The following MRTFA variants were observed in gnomAD, a reference collection of about 807,000 sequenced individuals.
MRTFA encodes myocardin-related transcription factor A.
MRTFA carries 20 observed loss-of-function variants against 83.5 expected under a neutral mutation model. That is an observed-to-expected ratio of 0.24 (90% CI 0.17 to 0.35). The LOEUF (loss-of-function observed/expected upper bound fraction) is 0.35, where lower values mean the gene tolerates loss of function less well. Ranked by LOEUF, MRTFA falls within the 10% of genes least tolerant of loss-of-function variation. The probability of loss-of-function intolerance (pLI) is 1.00; values close to 1 mark genes in which losing one functional copy is unlikely to be tolerated. For synonymous variants in MRTFA, 659 were observed against 541.2 expected (o/e 1.22, Z -3.02); for missense variants, 1,200 against 1,224.7 (o/e 0.98, Z 0.30).
Position 40,411,472 on chromosome 22 carries a change from A to AG in MRTFA, c.3013dup (p.Leu1005ProfsTer18), listed in dbSNP as rs752111993. The stretch of plus-strand genomic sequence containing the variant: ...GAAGAGGCTGGGGGCTGTGGTGCTG[A>AG]GGGGGGCTAGGCTCAGCACGGGACC... On this transcript the variant is annotated frameshift_variant, in exon 15 of 15. Coordinates refer to ENST00000355630, the MANE Select transcript of MRTFA (RefSeq NM_020831.6). LOFTEE classifies it high-confidence loss of function. 6.2e-7 allele frequency: 1 copy of AG among 1,605,268 alleles called. No individual in the cohort carries two copies. The highest frequency in any genetic ancestry group is 8.5e-7 in the Non-Finnish European group (1 of 1,173,046).
chr22:40,474,161 G>C (rs1249452752), intron 3 of MRTFA, among the ~76,000 whole-genome samples: 2 of 152,138 alleles, frequency 1.3e-5, no homozygotes, highest in African/African-American at 4.8e-5. Flanking sequence ...ATTGTGTTAG[G>C]TCCTGTGCTA....
intron 6 of MRTFA, among the ~76,000 whole-genome samples, chr22:40,430,718 G>T (rs1449987552): frequency 1.3e-5 from 2 of 151,974 alleles, no homozygotes; most frequent in Non-Finnish European, 2.9e-5. Context: ...ATATTAGCTG[G>T]GTGTGGTGGC....
intron 5 of MRTFA, among the ~76,000 whole-genome samples, chr22:40,434,444 G>A (rs907885197): frequency 6.6e-6 from 1 of 152,124 alleles, no homozygotes; most frequent in Non-Finnish European, 1.5e-5. Flanking sequence ...CTGTGAGGCT[G>A]GGTGTGGTGG....
At chr22:40,477,023 C>CA in intron 3 of MRTFA, among the ~76,000 whole-genome samples, 1 of 151,816 alleles carries the variant, frequency 6.6e-6, no homozygotes, top group Admixed American at 6.6e-5. Flanking sequence ...CAAATAAATG[C>CA]AATACACCTA....
chr22:40,430,860 CAAAAA>C (rs1171650702), intron 6 of MRTFA, among the ~76,000 whole-genome samples: 1 of 35,120 alleles, frequency 2.8e-5, no homozygotes, highest in African/African-American at 1.2e-4. Flanking sequence ...GACTCCATCA[CAAAAA>C]AAAAAAAAAA....
chr22:40,607,744 T>C (rs750090043), intron 1 of MRTFA, among the ~76,000 whole-genome samples: 4 of 152,226 alleles, frequency 2.6e-5, no homozygotes, highest in Non-Finnish European at 2.9e-5. Context: ...TAAGCAATCA[T>C]ACATAGCCTG....
chr22:40,519,581 C>A, intron 3 of MRTFA: 1 of 1,343,244 alleles, frequency 7.4e-7, no homozygotes, highest in South Asian at 1.2e-5. Flanking sequence ...GGCAATCACG[C>A]TGATTTGTTA....
chr22:40,524,066 A>G (rs995317647), intron 3 of MRTFA, among the ~76,000 whole-genome samples: 9 of 152,204 alleles, frequency 5.9e-5, no homozygotes, highest in Non-Finnish European at 1.0e-4. Context: ...AGCAAAATAT[A>G]TTGCAGAAAT....
intron 3 of MRTFA, among the ~76,000 whole-genome samples, chr22:40,496,130 G>A (rs1391340294): frequency 6.6e-6 from 1 of 151,894 alleles, no homozygotes; most frequent in African/African-American, 2.4e-5. Context: ...AGATTGCTTG[G>A]GTTCAAATTT....
At chr22:40,622,232 A>G (rs111250091) in intron 1 of MRTFA, among the ~76,000 whole-genome samples, 1,891 of 152,294 alleles carry the variant, frequency 0.012, 27 homozygotes, top group Non-Finnish European at 0.018. Context: ...CTGTAATCCC[A>G]GCACTTTGGG....
rs1375084716 is a variant in MRTFA, at chr22:40,419,274, T to C, written c.1464A>G (p.Pro488=). 1 of 1,613,592 alleles carries C rather than the reference T, an allele frequency of 6.2e-7. No individual in the cohort carries two copies. Among genetic ancestry groups the C allele is most frequent in the Non-Finnish European group, 8.5e-7 (1 of 1,179,858 alleles). ...TGGCGGCAGGGGCCTTGGGGGCTCC[T>C]GGCACAGGGCTGATTTGGTCTTGAT... The change falls in exon 12 of 15, where the codon CCA becomes CCG. Residue 488 remains proline, a synonymous_variant. Coordinates refer to ENST00000355630, the MANE Select transcript of MRTFA (RefSeq NM_020831.6).
chr22:40,445,750 G>C lies in MRTFA; in HGVS notation c.308-10196C>G, dbSNP rs531703831. Among the ~76,000 whole-genome samples, 35 of 152,192 alleles carry C rather than the reference G, an allele frequency of 2.3e-4. No individual in the cohort carries two copies. The South Asian group carries it at 7.0e-3, about 31-fold the overall frequency. On this transcript the variant is annotated intron_variant, in intron 4 of 14. Transcript: ENST00000355630. ...TTTTTAGTAAAGACGGGGTTTCACCGTGTTGGTCAGGCTGGTCTTGAACTC... is the reference window on the plus strand; with the variant it reads ...TTTTTAGTAAAGACGGGGTTTCACCCTGTTGGTCAGGCTGGTCTTGAACTC...
chr22:40,424,466 A>C lies in MRTFA; in HGVS notation c.602-85T>G, dbSNP rs1250733284. 63 of 1,433,200 alleles carry C rather than the reference A, an allele frequency of 4.4e-5. No homozygotes were observed. In the East Asian group the frequency reaches 7.2e-4, roughly 16 times the overall value. 88.8% of individuals were successfully genotyped at this position (1,433,200 alleles called of 1,614,324 possible). ...CAGGCCTGGCTCGCAGGCCACAGGCAGAGTGCCTGGCCCACAGCCCACATG... is the reference window on the plus strand; with the variant it reads ...CAGGCCTGGCTCGCAGGCCACAGGCCGAGTGCCTGGCCCACAGCCCACATG... On this transcript the variant is annotated intron_variant, in intron 7 of 14. Transcript: ENST00000355630.
intron 4 of MRTFA, among the ~76,000 whole-genome samples, chr22:40,449,398 C>A (rs953949663): frequency 1.3e-5 from 2 of 152,024 alleles, no homozygotes; most frequent in African/African-American, 4.8e-5. Flanking sequence ...TTCTGTGCCA[C>A]ACTAAAAATG....
chr22:40,529,463 C>CCCA (rs1488060279), intron 3 of MRTFA, among the ~76,000 whole-genome samples: 1 of 152,038 alleles, frequency 6.6e-6, no homozygotes, highest in Non-Finnish European at 1.5e-5. Flanking sequence ...ATTACAGGCA[C>CCCA]CCACCACCAT....
intron 2 of MRTFA, among the ~76,000 whole-genome samples, chr22:40,574,727 CCT>C (rs1425410766): frequency 1.3e-5 from 2 of 152,052 alleles, no homozygotes; most frequent in East Asian, 3.8e-4. Context: ...AGCCACCATG[CCT>C]GGCTTGTATT....
rs368208433 is a variant in MRTFA, at chr22:40,455,170, C to T, written c.307+8051G>A. ...ATTTAATTAGAATAGCCACATGTGC[C>T]TATTTAAATCTAAATTAATTAAAAT... On this transcript the variant is annotated intron_variant, in intron 4 of 14. Coordinates refer to ENST00000355630, the MANE Select transcript of MRTFA (RefSeq NM_020831.6). Among the ~76,000 whole-genome samples the T allele has an allele frequency of 1.4e-4, 22 of 152,170 alleles. No homozygotes were observed. The East Asian group carries it at 3.1e-3, about 21-fold the overall frequency.
rs141926991 is a variant in MRTFA, at chr22:40,416,990, G to A, written c.2574C>T (p.Ser858=). 9.5e-5 allele frequency: 152 copies of A among 1,597,474 alleles called. No homozygotes were observed. Among genetic ancestry groups the A allele is most frequent in the Middle Eastern group, 6.7e-4 (4 of 6,002 alleles). Residue 858 remains serine (S), a synonymous_variant, in exon 14 of 15, where the codon AGC becomes AGT. Transcript: ENST00000355630. The surrounding 1 kb of genome is among the most constrained non-coding windows in gnomAD (Gnocchi z 4.2). ...CAGCAGGGGACCTGGGGTTACCTCCGCTCTGAATGAGAATGTCAAACAGGT... is the reference window on the plus strand; with the variant it reads ...CAGCAGGGGACCTGGGGTTACCTCCACTCTGAATGAGAATGTCAAACAGGT...
chr22:40,495,141 A>C (rs2054330097), intron 3 of MRTFA, among the ~76,000 whole-genome samples: 1 of 152,060 alleles, frequency 6.6e-6, no homozygotes, highest in African/African-American at 2.4e-5. Context: ...TGGGAGGCTG[A>C]GGTGAGAGGA....
Sources: gnomAD v4.1 joint callset for allele counts (sites outside exome capture counted in the v4.1 genomes callset) on GRCh38, gnomAD v4.1.1 for gene constraint, Gnocchi (gnomAD v3.1) non-coding constraint, MANE v1.5 for transcripts, NCBI Gene and HGNC (gene_info 2026-07-23, HGNC 2026-07-21) for gene names.